The following PRKN variants were observed in gnomAD, a reference collection of about 807,000 sequenced individuals.
The protein encoded by PRKN is parkin RBR E3 ubiquitin protein ligase.
Under a neutral mutation model 59.5 loss-of-function variants are expected in PRKN, and 56 were observed. That is an observed-to-expected ratio of 0.94 (90% CI 0.76 to 1.18). PRKN has a LOEUF of 1.18. PRKN is among the 50% of genes most tolerant of loss of function. The pLI is 0.00. For missense variants in PRKN, 657 were observed against 596.4 expected (o/e 1.10, Z -1.06); for synonymous variants, 250 against 222.1 (o/e 1.13, Z -1.12).
intron 2 of PRKN, among the ~76,000 whole-genome samples, chr6:162,397,909 C>T (rs543897460): frequency 3.1e-4 from 47 of 151,952 alleles, no homozygotes; most frequent in Non-Finnish European, 5.4e-4. Context: ...TGGTGACTCC[C>T]ACCTGTAAGC....
At chr6:161,474,293 A>G (rs1201616254) in intron 9 of PRKN, among the ~76,000 whole-genome samples, 1 of 152,192 alleles carries the variant, frequency 6.6e-6, no homozygotes, top group Non-Finnish European at 1.5e-5. Flanking sequence ...TGGCTACCCC[A>G]TAGTTATTCT....
chr6:162,450,317 G>C (rs189906262), intron 1 of PRKN, among the ~76,000 whole-genome samples: 9 of 97,384 alleles, frequency 9.2e-5, no homozygotes, highest in African/African-American at 2.8e-4. Context: ...ATGAACGCCC[G>C]TGAATGTAAA....
intron 2 of PRKN, among the ~76,000 whole-genome samples, chr6:162,421,242 T>G (rs1380606477): frequency 6.6e-6 from 1 of 151,806 alleles, no homozygotes; most frequent in Non-Finnish European, 1.5e-5. Context: ...GCGTGGCTGT[T>G]TTGTGCCAGG....
At chr6:162,282,839 A>C (rs1780973755) in intron 2 of PRKN, among the ~76,000 whole-genome samples, 1 of 152,194 alleles carries the variant, frequency 6.6e-6, no homozygotes, top group South Asian at 2.1e-4. Flanking sequence ...GAATGGGATT[A>C]AGTGATGGAA....
rs980986160 is a variant in PRKN, at chr6:162,694,562, A to T, written c.7+33100T>A. ...AAATTAAACTGTGTCACTCCCAAAG[A>T]GACATCACAATCCTGGAAGAATTCA... On this transcript the variant is annotated intron_variant, in intron 1 of 11. Coordinates refer to ENST00000366898, the MANE Select transcript of PRKN (RefSeq NM_004562.3). Among the ~76,000 whole-genome samples the T allele has an allele frequency of 2.2e-4, 34 of 152,190 alleles. 1 individual carries two copies. Among genetic ancestry groups the T allele is most frequent in the Admixed American group, 2.2e-3 (34 of 15,278 alleles).
chr6:162,390,794 A>G (rs1787143156), intron 2 of PRKN, among the ~76,000 whole-genome samples: 1 of 152,162 alleles, frequency 6.6e-6, no homozygotes, highest in Admixed American at 6.6e-5. Flanking sequence ...ATTTGTTAAC[A>G]TAATAGGAGT....
At position 161,446,483 on chromosome 6, in the gene PRKN, G is replaced by A. The variant is rs1000038903; in HGVS notation, c.1084-59606C>T. 6.6e-6 allele frequency among the ~76,000 whole-genome samples: 1 copy of A among 152,158 alleles called. No homozygotes were observed. Among genetic ancestry groups the A allele is most frequent in the South Asian group, 2.1e-4 (1 of 4,824 alleles). On this transcript the variant is annotated intron_variant, in intron 9 of 11. Coordinates refer to ENST00000366898, the MANE Select transcript of PRKN (RefSeq NM_004562.3). This position sits in a 1 kb window ranked among gnomAD's most constrained non-coding sequence, Gnocchi z 6.2. ...AGACTCTGGTGCCCTGAAGCCTGGCGTCTGAGCCAGATCTGACTTTGTGTA... is the reference window on the plus strand; with the variant it reads ...AGACTCTGGTGCCCTGAAGCCTGGCATCTGAGCCAGATCTGACTTTGTGTA...
At chr6:162,541,045 C>A (rs775127023) in intron 1 of PRKN, among the ~76,000 whole-genome samples, 4 of 152,154 alleles carry the variant, frequency 2.6e-5, no homozygotes, top group Non-Finnish European at 5.9e-5. Flanking sequence ...GAAATCCTCA[C>A]ATCAATTTCA....
At chr6:162,544,672 A>ATTTTTTTTT (rs11296683) in intron 1 of PRKN, among the ~76,000 whole-genome samples, 1 of 71,508 alleles carries the variant, frequency 1.4e-5, no homozygotes, top group Non-Finnish European at 2.5e-5. Flanking sequence ...TTTATTGTTG[A>ATTTTTTTTT]TTTTTTTTTT....
intron 2 of PRKN, among the ~76,000 whole-genome samples, chr6:162,414,194 CAAA>C (rs1788493897): frequency 6.6e-6 from 1 of 151,776 alleles, no homozygotes; most frequent in African/African-American, 2.4e-5. Flanking sequence ...ACAATAACAA[CAAA>C]AAAGATTTCA....
intron 3 of PRKN, among the ~76,000 whole-genome samples, chr6:162,211,912 T>C (rs1322032560): frequency 6.6e-6 from 1 of 152,178 alleles, no homozygotes; most frequent in Non-Finnish European, 1.5e-5. Flanking sequence ...TATTTTTCTC[T>C]AGTAACATAC....
intron 6 of PRKN, among the ~76,000 whole-genome samples, chr6:161,904,221 G>A (rs1451180430): frequency 6.6e-6 from 1 of 151,802 alleles, no homozygotes; most frequent in African/African-American, 2.4e-5. Context: ...AGGATGCTGA[G>A]CCAGCACGCC....
intron 1 of PRKN, among the ~76,000 whole-genome samples, chr6:162,597,180 T>C (rs1781525504): frequency 6.6e-6 from 1 of 152,194 alleles, no homozygotes; most frequent in South Asian, 2.1e-4. Flanking sequence ...AAAGATACAA[T>C]GTTACCTTAT....
intron 9 of PRKN, among the ~76,000 whole-genome samples, chr6:161,435,352 T>C (rs1047783268): frequency 7.9e-5 from 12 of 152,172 alleles, no homozygotes; most frequent in Non-Finnish European, 1.3e-4. Flanking sequence ...TGACGCCTCC[T>C]GCCTGGTTGG....
chr6:161,746,130 T>G (rs1379565255), intron 7 of PRKN, among the ~76,000 whole-genome samples: 1 of 152,234 alleles, frequency 6.6e-6, no homozygotes, highest in Non-Finnish European at 1.5e-5. Context: ...CCCCTTGCAC[T>G]AATGAAATAA....
At chr6:161,681,191 A>G (rs1465083889) in intron 7 of PRKN, among the ~76,000 whole-genome samples, 1 of 151,978 alleles carries the variant, frequency 6.6e-6, no homozygotes, top group Non-Finnish European at 1.5e-5. Context: ...TGAACTCCTG[A>G]CCTCAACTGA....
At chr6:162,097,951 G>A (rs1319280024) in intron 4 of PRKN, among the ~76,000 whole-genome samples, 1 of 152,134 alleles carries the variant, frequency 6.6e-6, no homozygotes, top group Non-Finnish European at 1.5e-5. Flanking sequence ...TGATTTCTTG[G>A]TAAGAGCGTT....
intron 9 of PRKN, among the ~76,000 whole-genome samples, chr6:161,394,818 G>T (rs779204628): frequency 6.6e-6 from 1 of 152,120 alleles, no homozygotes; most frequent in African/African-American, 2.4e-5. Context: ...CCTGACAATG[G>T]TTCTGCTGGG....
chr6:161,613,720 A>G (rs985033232), intron 7 of PRKN, among the ~76,000 whole-genome samples: 1 of 152,284 alleles, frequency 6.6e-6, no homozygotes, highest in East Asian at 1.9e-4. Flanking sequence ...AAAGATAAGG[A>G]TTTGCTTTAT....
Sources: allele counts gnomAD v4.1 joint callset (sites outside exome capture counted in the v4.1 genomes callset), GRCh38; gene constraint gnomAD v4.1.1; non-coding constraint Gnocchi (gnomAD v3.1); transcripts MANE v1.5; gene names NCBI Gene and HGNC (gene_info 2026-07-23, HGNC 2026-07-21).